Variants in BPTF observed in about 807,000 individuals in gnomAD.
BPTF encodes the protein bromodomain PHD finger transcription factor.
BPTF carries 18 observed loss-of-function variants against 292.5 expected under a neutral mutation model. The observed-to-expected ratio is 0.06, with a 90% CI of 0.04 to 0.09. BPTF has a LOEUF of 0.09. Ranked by LOEUF, BPTF falls within the 10% of genes least tolerant of loss-of-function variation. The probability of loss-of-function intolerance (pLI) is 1.00; values close to 1 mark genes in which losing one functional copy is unlikely to be tolerated. For synonymous variants in BPTF, 1,225 were observed against 1,251.9 expected (o/e 0.98, Z 0.45); for missense variants, 2,726 against 3,498.7 (o/e 0.78, Z 5.57).
intron 4 of BPTF, among the ~76,000 whole-genome samples, chr17:67,881,156 A>G (rs1461586692): frequency 1.3e-5 from 2 of 151,968 alleles, no homozygotes; most frequent in Admixed American, 6.5e-5. Flanking sequence ...CATGATACCC[A>G]TTATATTGAG....
intron 11 of BPTF, among the ~76,000 whole-genome samples, chr17:67,917,131 C>CTTTTCCTTTCTTT (rs1194058584): frequency 0.019 from 1,984 of 105,716 alleles, 160 homozygotes; most frequent in African/African-American, 0.068. Context: ...TGGTATTGTC[C>CTTTTCCTTTCTTT]TTTTTTTTTT....
At chr17:67,842,255 C>G (rs947418374) in intron 1 of BPTF, among the ~76,000 whole-genome samples, 3 of 152,056 alleles carry the variant, frequency 2.0e-5, no homozygotes, top group African/African-American at 7.2e-5. Context: ...AGATATATAT[C>G]TACATACATA....
intron 1 of BPTF, among the ~76,000 whole-genome samples, chr17:67,828,106 A>G (rs565535027): frequency 6.6e-6 from 1 of 151,540 alleles, no homozygotes; most frequent in East Asian, 2.0e-4. Flanking sequence ...TAATTTTTGT[A>G]TTTTTAGTAG....
chr17:67,879,495 A>T (rs1041243406), intron 4 of BPTF, among the ~76,000 whole-genome samples: 8 of 152,182 alleles, frequency 5.3e-5, no homozygotes, highest in Non-Finnish European at 1.0e-4. Flanking sequence ...TGGAGTTTTC[A>T]CTGTGAGAAG....
intron 7 of BPTF, among the ~76,000 whole-genome samples, chr17:67,900,199 G>T (rs2061732687): frequency 1.3e-5 from 2 of 152,010 alleles, no homozygotes; most frequent in South Asian, 4.1e-4. Flanking sequence ...CCACCTCCTG[G>T]TTTCAAGCAA....
At chr17:67,907,059 C>G (rs1450359749) in intron 9 of BPTF, among the ~76,000 whole-genome samples, 2 of 151,834 alleles carry the variant, frequency 1.3e-5, no homozygotes, top group Admixed American at 1.3e-4. Context: ...TTGGTACACA[C>G]CTGTATTCCC....
intron 25 of BPTF, among the ~76,000 whole-genome samples, chr17:67,964,815 C>A (rs148490525): frequency 6.7e-6 from 1 of 149,022 alleles, no homozygotes; most frequent in East Asian, 2.0e-4. Context: ...CTGGCTAACA[C>A]GGTGAAACCC....
At chr17:67,978,442 G>A (rs1456653115) in intron 27 of BPTF, among the ~76,000 whole-genome samples, 3 of 151,854 alleles carry the variant, frequency 2.0e-5, no homozygotes, top group Non-Finnish European at 4.4e-5. Context: ...GGGATTACAG[G>A]CAGCCACCAC....
chr17:67,866,151 T>C (rs1183282277), intron 2 of BPTF, among the ~76,000 whole-genome samples: 1 of 152,130 alleles, frequency 6.6e-6, no homozygotes, highest in Non-Finnish European at 1.5e-5. Flanking sequence ...CTAAAATAAT[T>C]CTAAATACAT....
At chr17:67,867,349 CTTTAAAT>C (rs1190386701) in intron 3 of BPTF, among the ~76,000 whole-genome samples, 1 of 152,028 alleles carries the variant, frequency 6.6e-6, no homozygotes. Flanking sequence ...AAAAATAAAA[CTTTAAAT>C]TTTAGAGTAT....
chr17:67,836,032 G>C (rs9674589), intron 1 of BPTF, among the ~76,000 whole-genome samples: 15,111 of 152,158 alleles, frequency 0.099, 2,506 homozygotes, highest in African/African-American at 0.35. Context: ...TTAGGATTCA[G>C]AGACTTTTGG....
intron 27 of BPTF, chr17:67,981,467 G>A: frequency 8.1e-7 from 1 of 1,240,278 alleles, no homozygotes; most frequent in Non-Finnish European, 1.0e-6. Context: ...ATTTTTAACT[G>A]GAATCAGAAC....
At chr17:67,947,838 T>A in intron 22 of BPTF, 30 bp downstream of exon 22, 1 of 1,536,118 alleles carries the variant, frequency 6.5e-7, no homozygotes, top group Non-Finnish European at 8.8e-7. Context: ...TTGTTGTCTG[T>A]CCGTCTCTTC....
At chr17:67,922,134 G>C (rs1457094648) in intron 13 of BPTF, among the ~76,000 whole-genome samples, 1 of 152,110 alleles carries the variant, frequency 6.6e-6, no homozygotes, top group Non-Finnish European at 1.5e-5. Flanking sequence ...CAGTCTCCTT[G>C]ACCCCACAGC....
In BPTF at chr17:67,825,710, C is replaced by G. The variant is rs943042791; in HGVS notation, c.-15C>G. 1.9e-6 allele frequency: 2 copies of G among 1,050,960 alleles called. No homozygotes were observed. Among genetic ancestry groups the G allele is most frequent in the Admixed American group, 5.6e-5 (1 of 17,734 alleles). 65.1% of individuals were successfully genotyped at this position (1,050,960 alleles called of 1,614,324 possible). ...TCCCCCTTCGCTTTCCTTCTCCCCC[C>G]GCCTCGGCTCCGACATGAGGGGCCG... is the stretch of plus-strand genomic sequence containing the variant. On this transcript the variant is annotated 5_prime_UTR_variant, in exon 1 of 28. Coordinates refer to ENST00000306378, the MANE Select transcript of BPTF (RefSeq NM_182641.4).
intron 2 of BPTF, among the ~76,000 whole-genome samples, chr17:67,857,360 C>T (rs1349198045): frequency 6.6e-6 from 1 of 151,634 alleles, no homozygotes; most frequent in Non-Finnish European, 1.5e-5. Flanking sequence ...CGGGGTTTCA[C>T]CGTGTTAGCC....
chr17:67,853,853 A>AC, intron 1 of BPTF, 87 bp from the exon 2 acceptor site: 1 of 964,158 alleles, frequency 1.0e-6, no homozygotes, highest in East Asian at 2.4e-5. Context: ...GTACTTATGT[A>AC]TTTTAGGGGG....
At chr17:67,837,054 G>A (rs924698042) in intron 1 of BPTF, among the ~76,000 whole-genome samples, 1 of 152,144 alleles carries the variant, frequency 6.6e-6, no homozygotes, top group Non-Finnish European at 1.5e-5. Context: ...ACCTAACAGT[G>A]GAGATTGTTT....
At chr17:67,934,739 G>C (rs868035583) in intron 18 of BPTF, among the ~76,000 whole-genome samples, 1 of 151,608 alleles carries the variant, frequency 6.6e-6, no homozygotes, top group Non-Finnish European at 1.5e-5. Context: ...GGGTGTGGTG[G>C]TGCACACCTG....
Sources: gnomAD v4.1 joint callset for allele counts (sites outside exome capture counted in the v4.1 genomes callset) on GRCh38, gnomAD v4.1.1 for gene constraint, MANE v1.5 for transcripts, NCBI Gene and HGNC (gene_info 2026-07-23, HGNC 2026-07-21) for gene names.